MAGI1: variants seen among roughly 807,000 people sequenced by gnomAD.
MAGI1 encodes membrane-associated guanylate kinase, WW and PDZ domain-containing protein 1.
A neutral mutation model predicts 139.9 loss-of-function variants in MAGI1; 58 were observed. That is an observed-to-expected ratio of 0.41 (90% CI 0.34 to 0.52). The LOEUF (loss-of-function observed/expected upper bound fraction) is 0.52. Ranked by LOEUF, MAGI1 falls within the 20% of genes least tolerant of loss-of-function variation. The pLI, the probability that MAGI1 is intolerant of heterozygous loss-of-function variation, is 0.12. For synonymous variants in MAGI1, 812 were observed against 737.9 expected (o/e 1.10, Z -1.63); for missense variants, 1,874 against 1,901.6 (o/e 0.99, Z 0.27).
At position 65,738,137 on chromosome 3, in the gene MAGI1, A is replaced by C. The variant is rs2034938817; in HGVS notation, c.314-116049T>G. ...ACTCATCCCATCAATATCCTCAGAG[A>C]ATACTTATACAGGCATAGCTCACAG... On this transcript the variant is annotated intron_variant, in intron 1 of 22. Coordinates refer to ENST00000402939, the MANE Select transcript of MAGI1 (RefSeq NM_001033057.2). Among the ~76,000 whole-genome samples, 3 of 152,208 alleles carry C rather than the reference A, an allele frequency of 2.0e-5. No individual in the cohort carries two copies. The South Asian group carries it at 6.2e-4, about 31-fold the overall frequency.
chr3:65,563,041 T>A (rs2080436116), intron 2 of MAGI1, among the ~76,000 whole-genome samples: 1 of 152,172 alleles, frequency 6.6e-6, no homozygotes, highest in Non-Finnish European at 1.5e-5. Flanking sequence ...TGCAAACCAA[T>A]TTGAGTGCTT....
chr3:65,706,388 G>A (rs1499508), intron 1 of MAGI1, among the ~76,000 whole-genome samples: 18,437 of 152,196 alleles, frequency 0.12, 1,477 homozygotes, highest in Non-Finnish European at 0.19. Context: ...AGACTAAGGC[G>A]CCATACCATA....
intron 17 of MAGI1, among the ~76,000 whole-genome samples, chr3:65,377,304 T>A (rs1374241041): frequency 6.6e-6 from 1 of 152,182 alleles, no homozygotes; most frequent in African/African-American, 2.4e-5. Context: ...AAATTCAAGG[T>A]CTTGACTAAG....
At chr3:65,974,359 A>ATGGG (rs1560071497) in intron 1 of MAGI1, among the ~76,000 whole-genome samples, 4 of 120,452 alleles carry the variant, frequency 3.3e-5, no homozygotes, top group Admixed American at 9.0e-5. Context: ...GAGTGGATGG[A>ATGGG]TGGATGGGTG....
intron 2 of MAGI1, among the ~76,000 whole-genome samples, chr3:65,549,232 G>A (rs559568544): frequency 9.3e-4 from 142 of 152,230 alleles, no homozygotes; most frequent in African/African-American, 3.2e-3. Flanking sequence ...GGCAAGTGCA[G>A]CGCGTTCCAG....
At chr3:65,680,798 AC>A (rs2087543535) in intron 1 of MAGI1, among the ~76,000 whole-genome samples, 1 of 80,740 alleles carries the variant, frequency 1.2e-5, no homozygotes, top group Non-Finnish European at 2.5e-5. Flanking sequence ...GATATGATAT[AC>A]TTTAATAATT....
intron 1 of MAGI1, among the ~76,000 whole-genome samples, chr3:65,812,606 T>C (rs562324365): frequency 6.6e-6 from 1 of 151,636 alleles, no homozygotes; most frequent in Non-Finnish European, 1.5e-5. Context: ...TATAGGATCA[T>C]TATAAGAGTT....
At position 65,584,482 on chromosome 3, in the gene MAGI1, T is replaced by C. The variant is rs77332047; in HGVS notation, c.430+37490A>G. On this transcript the variant is annotated intron_variant, in intron 2 of 22. Transcript: ENST00000402939. Reference sequence around the variant, plus strand: ...TGTTTGACACAAAGCTGGGAAGCCATTGATTTACTTAGCAATTACTCAAAG... The same window carrying C: ...TGTTTGACACAAAGCTGGGAAGCCACTGATTTACTTAGCAATTACTCAAAG... 4.0e-3 allele frequency among the ~76,000 whole-genome samples: 614 copies of C among 152,252 alleles called. 3 individuals are homozygous for C. The highest frequency in any genetic ancestry group is 0.014 in the African/African-American group (581 of 41,542).
intron 2 of MAGI1, among the ~76,000 whole-genome samples, chr3:65,569,100 T>A (rs1042861173): frequency 6.6e-6 from 1 of 152,164 alleles, no homozygotes; most frequent in Admixed American, 6.5e-5. Flanking sequence ...AATTCAGCCT[T>A]AAATAAGAAT....
chr3:65,543,079 C>CA (rs1266666746), intron 2 of MAGI1, among the ~76,000 whole-genome samples: 1 of 151,744 alleles, frequency 6.6e-6, no homozygotes, highest in Non-Finnish European at 1.5e-5. Flanking sequence ...ACAACCCCAT[C>CA]AAAAAGTAGG....
At chr3:65,624,706 A>T (rs1405005490) in intron 1 of MAGI1, among the ~76,000 whole-genome samples, 2 of 152,166 alleles carry the variant, frequency 1.3e-5, no homozygotes, top group East Asian at 3.9e-4. Flanking sequence ...TCCCCATTGG[A>T]AATTGAGAAA....
At chr3:65,966,768 T>A (rs2064767694) in intron 1 of MAGI1, among the ~76,000 whole-genome samples, 1 of 152,228 alleles carries the variant, frequency 6.6e-6, no homozygotes, top group Non-Finnish European at 1.5e-5. Flanking sequence ...GAAGACCAAA[T>A]GAGGCAATGT....
intron 1 of MAGI1, among the ~76,000 whole-genome samples, chr3:65,963,467 T>C (rs1316679803): frequency 6.6e-6 from 1 of 151,786 alleles, no homozygotes; most frequent in Non-Finnish European, 1.5e-5. Flanking sequence ...AACACAAAAA[T>C]TCGCTGGGCA....
chr3:65,420,079 C>G (rs1221395200), intron 12 of MAGI1, among the ~76,000 whole-genome samples: 1 of 152,122 alleles, frequency 6.6e-6, no homozygotes, highest in East Asian at 1.9e-4. Flanking sequence ...GTCTCCCCTT[C>G]CCCTCCTGTT....
intron 2 of MAGI1, among the ~76,000 whole-genome samples, chr3:65,607,321 G>A (rs1005949541): frequency 1.5e-4 from 22 of 151,704 alleles, no homozygotes; most frequent in Admixed American, 1.1e-3. Context: ...CCCTGAAACT[G>A]CTATTGTATA....
chr3:65,962,662 C>T (rs2064498882), intron 1 of MAGI1, among the ~76,000 whole-genome samples: 1 of 150,706 alleles, frequency 6.6e-6, no homozygotes, highest in African/African-American at 2.4e-5. Context: ...TGGTGAAACC[C>T]AATATCTACT....
intron 1 of MAGI1, among the ~76,000 whole-genome samples, chr3:65,861,042 T>C (rs1237265328): frequency 6.6e-6 from 1 of 152,112 alleles, no homozygotes; most frequent in Admixed American, 6.5e-5. Flanking sequence ...TTCAGCAGCA[T>C]CTCCATGGAT....
chr3:65,582,757 A>G, intron 2 of MAGI1, among the ~76,000 whole-genome samples: 1 of 151,904 alleles, frequency 6.6e-6, no homozygotes, highest in East Asian at 1.9e-4. Context: ...TACTCCAATC[A>G]CCTCTGACTG....
At chr3:65,882,985 A>C (rs980223775) in intron 1 of MAGI1, among the ~76,000 whole-genome samples, 2 of 151,926 alleles carry the variant, frequency 1.3e-5, no homozygotes, top group Non-Finnish European at 2.9e-5. Flanking sequence ...GGAAAAGGGA[A>C]GAGAAAGGAC....
Sources: gnomAD v4.1 joint callset for allele counts (sites outside exome capture counted in the v4.1 genomes callset) on GRCh38, gnomAD v4.1.1 for gene constraint, MANE v1.5 for transcripts, NCBI Gene and HGNC (gene_info 2026-07-23, HGNC 2026-07-21) for gene names.